CHAF1A: variants seen among roughly 807,000 people sequenced by gnomAD.
The protein encoded by CHAF1A is CAF-1 subunit A.
In CHAF1A, 5 loss-of-function variants were observed where a neutral mutation model predicts 93.2. The observed-to-expected ratio is 0.05, with a 90% CI of 0.03 to 0.11. The LOEUF (loss-of-function observed/expected upper bound fraction) is 0.11. CHAF1A is among the 10% of genes least tolerant of loss of function. The probability of loss-of-function intolerance (pLI) is 1.00; values close to 1 mark genes in which losing one functional copy is unlikely to be tolerated. For synonymous variants in CHAF1A, 504 were observed against 510.3 expected (o/e 0.99, Z 0.17); for missense variants, 1,102 against 1,259.9 (o/e 0.87, Z 1.90).
downstream of CHAF1A, chr19:4,446,561 C>T (rs549874491): frequency 5.3e-5 from 85 of 1,612,450 alleles, 1 homozygote; most frequent in African/African-American, 6.0e-4. Flanking sequence ...CCAGGCAGTT[C>T]GAACTGCGAG....
rs1974016133 is a variant in CHAF1A, at chr19:4,422,907, T to C, written c.1247+112T>C. The C allele has an allele frequency of 9.9e-7, 1 of 1,011,946 alleles. No individual in the cohort carries two copies. Among genetic ancestry groups the C allele is most frequent in the East Asian group, 2.6e-5 (1 of 39,170 alleles). The allele number at this position is 1,011,946 out of a possible 1,614,324, so 62.7% of individuals were successfully genotyped here. On this transcript the variant is annotated intron_variant, in intron 5 of 14. Coordinates refer to ENST00000301280, the MANE Select transcript of CHAF1A (RefSeq NM_005483.3). The surrounding 1 kb of genome is among the most constrained non-coding windows in gnomAD (Gnocchi z 4.6). ...CAGGCAGATGGCGGCTCCCTTCAGT[T>C]CCTTCCCATTTCTCCTTCGTGAGGT...
rs542106641 is a variant in CHAF1A, at chr19:4,435,893, C to G, written c.2673+2354C>G. 1.6e-4 allele frequency among the ~76,000 whole-genome samples: 24 copies of G among 152,286 alleles called. No individual in the cohort carries two copies. In the South Asian group the frequency reaches 5.0e-3, roughly 32 times the overall value. Reference sequence around the variant, plus strand: ...GTGGCTCACGCCTATAATCCCATCACTTTGGGAGGCCAAGGCGGGCAGATC... The same window carrying G: ...GTGGCTCACGCCTATAATCCCATCAGTTTGGGAGGCCAAGGCGGGCAGATC... On this transcript the variant is annotated intron_variant, in intron 13 of 14. Transcript: ENST00000301280.
At chr19:4,434,590 G>T (rs527280414) in intron 13 of CHAF1A, among the ~76,000 whole-genome samples, 2 of 152,036 alleles carry the variant, frequency 1.3e-5, no homozygotes, top group Non-Finnish European at 2.9e-5. Context: ...AGCTGGAATC[G>T]CATCGTGTGT....
chr19:4,442,739 T>G (rs1312813485), intron 14 of CHAF1A, among the ~76,000 whole-genome samples, 186 bp from the exon 15 acceptor site: 1 of 152,160 alleles, frequency 6.6e-6, no homozygotes, highest in Non-Finnish European at 1.5e-5. Context: ...AGGGTCAACC[T>G]GAGAGCAGGT....
chr19:4,446,402 A>C, downstream of CHAF1A: 3 of 1,576,740 alleles, frequency 1.9e-6, no homozygotes, highest in Non-Finnish European at 2.6e-6. Context: ...CAGCCGCTCC[A>C]CCGCCTCGGA....
At position 4,422,096 on chromosome 19, in the gene CHAF1A, G is replaced by A. The variant is rs542101242; in HGVS notation, c.1018-470G>A. Among the ~76,000 whole-genome samples, 11 of 151,566 alleles carry A rather than the reference G, an allele frequency of 7.3e-5. No individual in the cohort carries two copies. In the East Asian group the frequency reaches 1.7e-3, roughly 24 times the overall value. On this transcript the variant is annotated intron_variant, in intron 4 of 14. Transcript: ENST00000301280. The surrounding 1 kb of genome is among the most constrained non-coding windows in gnomAD (Gnocchi z 4.6). ...ACCGTGTTGGCTCACTGCAACCTCC[G>A]TCTCCTGGTTTCAAGCAATTCTTCT...
At chr19:4,423,728 G>A in intron 6 of CHAF1A, 78 bp from the exon 7 acceptor site, 1 of 1,389,020 alleles carries the variant, frequency 7.2e-7, no homozygotes, top group Non-Finnish European at 1.0e-6. Context: ...GTTCGGTTCT[G>A]GGGGCCTTTG....
intron 4 of CHAF1A, among the ~76,000 whole-genome samples, chr19:4,420,330 C>T (rs1192025617): frequency 1.3e-5 from 2 of 152,024 alleles, no homozygotes; most frequent in Non-Finnish European, 2.9e-5. Flanking sequence ...GCAACCTCCA[C>T]CTCCCAGGTT....
chr19:4,437,705 C>G (rs982409571), intron 13 of CHAF1A, among the ~76,000 whole-genome samples: 1 of 151,478 alleles, frequency 6.6e-6, no homozygotes, highest in Non-Finnish European at 1.5e-5. Flanking sequence ...CTCGGTTACA[C>G]TTTTTTTCCC....
intron 2 of CHAF1A, among the ~76,000 whole-genome samples, chr19:4,407,381 A>T (rs1973700187): frequency 6.6e-6 from 1 of 152,106 alleles, no homozygotes; most frequent in South Asian, 2.1e-4. Context: ...CCTCCTAACC[A>T]GCCCGAAGCC....
chr19:4,405,038 G>A (rs1260079876), intron 1 of CHAF1A, among the ~76,000 whole-genome samples: 2 of 152,150 alleles, frequency 1.3e-5, no homozygotes, highest in African/African-American at 4.8e-5. Flanking sequence ...GGAGGAAGAT[G>A]TTTGGGGATC....
At chr19:4,411,809 G>A (rs557313298) in intron 3 of CHAF1A, among the ~76,000 whole-genome samples, 67 of 151,718 alleles carry the variant, frequency 4.4e-4, no homozygotes, top group African/African-American at 1.6e-3. Flanking sequence ...CACCACGCCT[G>A]GCTAATTTTT....
downstream of CHAF1A, chr19:4,445,470 C>T (rs748226345): frequency 3.1e-6 from 5 of 1,613,230 alleles, no homozygotes. Context: ...GACAGACCCA[C>T]AGGGCTGAGG....
At chr19:4,439,758 G>A (rs543443241) in intron 13 of CHAF1A, among the ~76,000 whole-genome samples, 38 of 152,342 alleles carry the variant, frequency 2.5e-4, no homozygotes, top group Non-Finnish European at 5.0e-4. Flanking sequence ...GAAAATGGCC[G>A]TAGGCCAGGC....
chr19:4,409,360 T>C lies in CHAF1A; in HGVS notation c.561T>C (p.Gly187=). ...SDIPCKTEEE[G]VGCGGAGRRG... is the part of the protein sequence containing the mutation. ...TTCCTTGCAAAACAGAGGAGGAGGG[T>C]GTTGGCTGTGGAGGTGCAGGGAGGA... Residue 187 remains glycine, a synonymous_variant, in exon 3 of 15, where the codon GGT becomes GGC. Coordinates refer to ENST00000301280, the MANE Select transcript of CHAF1A (RefSeq NM_005483.3). 1 of 1,613,050 alleles carries C rather than the reference T, an allele frequency of 6.2e-7. No individual in the cohort carries two copies. The highest frequency in any genetic ancestry group is 8.5e-7 in the Non-Finnish European group (1 of 1,179,766).
chr19:4,441,732 C>T (rs868821988), intron 13 of CHAF1A, among the ~76,000 whole-genome samples: 27 of 151,806 alleles, frequency 1.8e-4, no homozygotes, highest in Admixed American at 5.9e-4. Flanking sequence ...GATGAAACCC[C>T]GTCTCTACTA....
In CHAF1A at chr19:4,436,324, C is replaced by T. The variant is rs545962116; in HGVS notation, c.2673+2785C>T. Among the ~76,000 whole-genome samples the T allele has an allele frequency of 1.8e-4, 27 of 152,264 alleles. No individual in the cohort carries two copies. In the East Asian group the frequency reaches 4.8e-3, roughly 27 times the overall value. On this transcript the variant is annotated intron_variant, in intron 13 of 14. Coordinates refer to ENST00000301280, the MANE Select transcript of CHAF1A (RefSeq NM_005483.3). ...TAACATCCCAAAGGGTCCAGGGCTACGACTGAAACTGTTCCTGGCACTCCC... is the reference window on the plus strand; with the variant it reads ...TAACATCCCAAAGGGTCCAGGGCTATGACTGAAACTGTTCCTGGCACTCCC...
At chr19:4,446,463 G>T, downstream of CHAF1A, 1 of 1,585,602 alleles carries the variant, frequency 6.3e-7, no homozygotes. Flanking sequence ...CTTCCACCCC[G>T]CCCCGCCCCA....
At chr19:4,439,575 G>C (rs577706583) in intron 13 of CHAF1A, among the ~76,000 whole-genome samples, 7 of 152,196 alleles carry the variant, frequency 4.6e-5, no homozygotes, top group African/African-American at 1.4e-4. Flanking sequence ...ATGTGTCAAC[G>C]CGTCTCCTGT....
Sources: gnomAD v4.1 joint callset for allele counts (sites outside exome capture counted in the v4.1 genomes callset) on GRCh38, gnomAD v4.1.1 for gene constraint, Gnocchi (gnomAD v3.1) non-coding constraint, MANE v1.5 for transcripts, NCBI Gene and HGNC (gene_info 2026-07-23, HGNC 2026-07-21) for gene names.